RANBP17: variants seen among roughly 807,000 people sequenced by gnomAD.
RANBP17 encodes the protein ran-binding protein 17.
Under a neutral mutation model 141.2 loss-of-function variants are expected in RANBP17, and 158 were observed. That is an observed-to-expected ratio of 1.12 (90% CI 0.98 to 1.28). RANBP17 has a LOEUF of 1.28. Among genes scored for constraint, RANBP17 ranks in the 50% most tolerant of loss-of-function variants. The pLI, the probability that RANBP17 is intolerant of heterozygous loss-of-function variation, is 0.00. For missense variants in RANBP17, 1,438 were observed against 1,290.7 expected (o/e 1.11, Z -1.75); for synonymous variants, 430 against 450.0 (o/e 0.96, Z 0.56).
chr5:170,967,825 T>G (rs1437133211), intron 13 of RANBP17, among the ~76,000 whole-genome samples: 1 of 151,704 alleles, frequency 6.6e-6, no homozygotes, highest in African/African-American at 2.4e-5. Flanking sequence ...TTTAATTATT[T>G]AGAAATACAA....
intron 14 of RANBP17, among the ~76,000 whole-genome samples, chr5:171,007,637 G>A (rs573964141): frequency 5.9e-5 from 9 of 152,182 alleles, no homozygotes; most frequent in East Asian, 1.9e-4. Flanking sequence ...ATGCCTGGAC[G>A]TAGGGCATCT....
At chr5:171,054,299 T>C in intron 14 of RANBP17, among the ~76,000 whole-genome samples, 1 of 152,152 alleles carries the variant, frequency 6.6e-6, no homozygotes, top group East Asian at 1.9e-4. Context: ...AGCCAGTGTC[T>C]TGGGCTGCTC....
intron 18 of RANBP17, among the ~76,000 whole-genome samples, chr5:171,192,692 C>T (rs1055516658): frequency 1.3e-5 from 2 of 152,172 alleles, no homozygotes; most frequent in Admixed American, 6.5e-5. Context: ...ATTGAGTGCA[C>T]TATTAGAAGA....
chr5:170,918,225 T>C (rs980617773), intron 9 of RANBP17: 6 of 152,086 alleles, frequency 3.9e-5, no homozygotes, highest in African/African-American at 1.4e-4. Context: ...AGACACGGAG[T>C]TGCTTGAGGG....
intron 2 of RANBP17, 44 bp downstream of exon 2, chr5:170,878,287 T>C: frequency 6.8e-7 from 1 of 1,464,952 alleles, no homozygotes; most frequent in Non-Finnish European, 9.2e-7. Flanking sequence ...GATCAGTAGA[T>C]GTATGTCATT....
intron 24 of RANBP17, among the ~76,000 whole-genome samples, chr5:171,261,198 A>G (rs540264606): frequency 2.7e-5 from 4 of 148,282 alleles, no homozygotes; most frequent in African/African-American, 9.9e-5. Flanking sequence ...AAAACCTTGT[A>G]TGTGTTGGGT....
chr5:171,067,699 GT>G (rs1373625908), intron 14 of RANBP17, among the ~76,000 whole-genome samples: 2 of 151,890 alleles, frequency 1.3e-5, no homozygotes, highest in African/African-American at 4.8e-5. Context: ...TCTTTCAGCA[GT>G]TAGATGATCC....
At chr5:171,066,105 G>T (rs894382159) in intron 14 of RANBP17, among the ~76,000 whole-genome samples, 34 of 152,066 alleles carry the variant, frequency 2.2e-4, no homozygotes, top group African/African-American at 8.0e-4. Flanking sequence ...CAAGTGATCT[G>T]CCCACCTCGG....
At chr5:171,191,856 A>AT (rs1486054233) in intron 18 of RANBP17, among the ~76,000 whole-genome samples, 1 of 151,950 alleles carries the variant, frequency 6.6e-6, no homozygotes, top group Non-Finnish European at 1.5e-5. Context: ...TTTTTCCTTC[A>AT]TTTTTATTTG....
chr5:170,966,769 T>C (rs1022965446), intron 13 of RANBP17, among the ~76,000 whole-genome samples: 7 of 152,040 alleles, frequency 4.6e-5, no homozygotes, highest in East Asian at 3.9e-4. Context: ...TGTTTGCAGA[T>C]GACATGATTG....
intron 14 of RANBP17, among the ~76,000 whole-genome samples, chr5:171,045,112 C>G (rs1782486291): frequency 6.6e-6 from 1 of 151,930 alleles, no homozygotes; most frequent in Non-Finnish European, 1.5e-5. Flanking sequence ...ATTAGCTCTG[C>G]CAAACTAATT....
chr5:171,031,269 G>C (rs919548420), intron 14 of RANBP17, among the ~76,000 whole-genome samples: 2 of 151,974 alleles, frequency 1.3e-5, no homozygotes, highest in East Asian at 3.8e-4. Context: ...GGACATGCTA[G>C]CTGATTGTAC....
chr5:171,230,140 CAAGA>C (rs1220220032), intron 22 of RANBP17, among the ~76,000 whole-genome samples: 1 of 152,022 alleles, frequency 6.6e-6, no homozygotes, highest in African/African-American at 2.4e-5. Flanking sequence ...TCGGACAAAT[CAAGA>C]AAGAATTATG....
chr5:170,945,444 C>T lies in RANBP17; in HGVS notation c.1469-8153C>T, dbSNP rs1399432329. Among the ~76,000 whole-genome samples the T allele has an allele frequency of 2.0e-5, 3 of 152,118 alleles. No individual in the cohort carries two copies. The South Asian group carries it at 6.2e-4, about 31-fold the overall frequency. Reference sequence around the variant, plus strand: ...TTACTGAGCACTTATAGCACTTACTCATATATTTTACATGCAAAATACCAG... The same window carrying T: ...TTACTGAGCACTTATAGCACTTACTTATATATTTTACATGCAAAATACCAG... On this transcript the variant is annotated intron_variant, in intron 12 of 27. Transcript: ENST00000523189.
At chr5:171,068,838 G>A (rs187540667) in intron 14 of RANBP17, among the ~76,000 whole-genome samples, 147 of 152,156 alleles carry the variant, frequency 9.7e-4, no homozygotes, top group African/African-American at 3.5e-3. Context: ...TACTCGCCTC[G>A]GCCTCCCAAA....
intron 5 of RANBP17, among the ~76,000 whole-genome samples, chr5:170,896,592 G>T (rs1372164450): frequency 6.6e-6 from 1 of 152,188 alleles, no homozygotes; most frequent in Non-Finnish European, 1.5e-5. Context: ...CACTTTGGGA[G>T]ACTGAGGCAG....
intron 24 of RANBP17, among the ~76,000 whole-genome samples, chr5:171,254,013 C>T (rs1369654933): frequency 2.6e-5 from 4 of 152,008 alleles, no homozygotes; most frequent in Non-Finnish European, 4.4e-5. Flanking sequence ...TTTAGGAGGC[C>T]GAGGCGGGTG....
chr5:170,903,675 CTG>C (rs1433306383), intron 5 of RANBP17: 9 of 285,648 alleles, frequency 3.2e-5, no homozygotes, highest in African/African-American at 1.8e-4. Context: ...AGCAAGCAGA[CTG>C]TGTGTTGCCC....
intron 14 of RANBP17, among the ~76,000 whole-genome samples, chr5:171,004,301 T>A (rs1040221904): frequency 2.0e-5 from 3 of 151,866 alleles, no homozygotes; most frequent in Admixed American, 1.3e-4. Flanking sequence ...AGGGTGGCAA[T>A]GAGATGTGGC....
Sources: allele counts gnomAD v4.1 joint callset (sites outside exome capture counted in the v4.1 genomes callset), GRCh38; gene constraint gnomAD v4.1.1; transcripts MANE v1.5; gene names NCBI Gene and HGNC (gene_info 2026-07-23, HGNC 2026-07-21).